ARHGAP23: variants seen among roughly 807,000 people sequenced by gnomAD.
ARHGAP23 encodes the protein Rho GTPase activating protein 23.
Under a neutral mutation model 136.3 loss-of-function variants are expected in ARHGAP23, and 34 were observed. The observed-to-expected ratio is 0.25, with a 90% CI of 0.19 to 0.33. The LOEUF (loss-of-function observed/expected upper bound fraction) is 0.33. Among genes scored for constraint, ARHGAP23 ranks in the 10% least tolerant of loss-of-function variants. The probability of loss-of-function intolerance (pLI) is 1.00; values close to 1 mark genes in which losing one functional copy is unlikely to be tolerated. For missense variants in ARHGAP23, 1,808 were observed against 2,139.0 expected, an observed-to-expected ratio of 0.85 and a Z score of 3.05; for synonymous variants, 832 against 920.5, an observed-to-expected ratio of 0.90 and a Z score of 1.74.
rs1231752496 is a variant in ARHGAP23, at chr17:38,511,809, G to C, written c.*837G>C. The C allele has an allele frequency of 6.6e-6, 1 of 151,896 alleles. No individual in the cohort carries two copies. The highest frequency in any genetic ancestry group is 1.5e-5 in the Non-Finnish European group (1 of 68,024). 9.4% of individuals were successfully genotyped at this position (151,896 alleles called of 1,614,324 possible). On this transcript the variant is annotated 3_prime_UTR_variant, in exon 24 of 24. Coordinates refer to ENST00000622683, the MANE Select transcript of ARHGAP23 (RefSeq NM_001199417.2). The stretch of plus-strand genomic sequence containing the variant: ...CCCCTCTTTTTGTTTTTCCATCTGT[G>C]CCTGTTCCTTCCACAGCCCAGGCAC...
At chr17:38,460,998 T>C in intron 3 of ARHGAP23, 66 bp downstream of exon 3, 1 of 1,523,818 alleles carries the variant, frequency 6.6e-7, no homozygotes, top group Non-Finnish European at 8.8e-7. Context: ...TCTCTCCCTG[T>C]CCTCCCCTAA....
At position 38,469,519 on chromosome 17, in the gene ARHGAP23, T is replaced by C. The variant is rs753628267; in HGVS notation, c.1805-5T>C. On this transcript the variant is annotated splice_region_variant and splice_polypyrimidine_tract_variant and intron_variant, in intron 8 of 23. Transcript: ENST00000622683. ...CCCTGAGGCCCGATGTGGGCGGCTT[T>C]GCAGGCAGCATCAAGGCTGGCCGCC... The C allele has an allele frequency of 3.2e-6, 5 of 1,547,610 alleles. No homozygotes were observed. In the African/African-American group the frequency reaches 4.1e-5, roughly 13 times the overall value.
chr17:38,469,713 TG>T lies in ARHGAP23; in HGVS notation c.1916+83del, dbSNP rs558409912. 3.6e-4 allele frequency: 550 copies of T among 1,511,898 alleles called. 2 individuals are homozygous for T. In the East Asian group the frequency reaches 0.013, roughly 36 times the overall value. 93.7% of individuals were successfully genotyped at this position (1,511,898 alleles called of 1,614,324 possible). ...TGCTCTGGGGCAGGGCTCTTGGCCC[TG>T]GGGGTCCTCTATGCATGGGACAGTG... On this transcript the variant is annotated intron_variant, in intron 9 of 23. Transcript: ENST00000622683.
Position 38,474,121 on chromosome 17 carries a change from A to G in ARHGAP23, c.2118+2115A>G, listed in dbSNP as rs1293648399. Reference sequence around the variant, plus strand: ...GTTTTAGTAGAGACTGGGTTTCACTATGTTGGCCAGGCTGGTCTTGAACTC... The same window carrying G: ...GTTTTAGTAGAGACTGGGTTTCACTGTGTTGGCCAGGCTGGTCTTGAACTC... On this transcript the variant is annotated intron_variant, in intron 11 of 23. Coordinates refer to ENST00000622683, the MANE Select transcript of ARHGAP23 (RefSeq NM_001199417.2). Among the ~76,000 whole-genome samples the G allele has an allele frequency of 2.0e-5, 3 of 152,024 alleles. No individual in the cohort carries two copies. The East Asian group carries it at 5.8e-4, about 29-fold the overall frequency.
At chr17:38,471,487 C>A (rs2039756521) in intron 10 of ARHGAP23, among the ~76,000 whole-genome samples, 1 of 152,250 alleles carries the variant, frequency 6.6e-6, no homozygotes, top group Non-Finnish European at 1.5e-5. Context: ...GCTCCACTCA[C>A]TCAGCCTTTG....
rs778000637 is a variant in ARHGAP23, at chr17:38,469,289, G to T, written c.1794G>T (p.Ser598=). 1.3e-6 allele frequency: 2 copies of T among 1,550,568 alleles called. No individual in the cohort carries two copies. The highest frequency in any genetic ancestry group is 2.4e-5 in the East Asian group (1 of 40,886). ...TFTFTLGRHY[S]QDCSSIKAGR... ...CTTTCACCCTCGGACGCCATTACTC[G>T]CAGGACTGCAGTGAGCACTCCCCAC... The change falls in exon 8 of 24, where the codon TCG becomes TCT. Residue 598 remains serine, a synonymous_variant. Coordinates refer to ENST00000622683, the MANE Select transcript of ARHGAP23 (RefSeq NM_001199417.2).
At chr17:38,425,830 C>T (rs1278470803), upstream of ARHGAP23, among the ~76,000 whole-genome samples, 3 of 149,932 alleles carry the variant, frequency 2.0e-5, no homozygotes, top group African/African-American at 7.4e-5. Context: ...TGGGCTGGGA[C>T]AGGGTGGGGG....
At chr17:38,456,826 C>T (rs778747581) in intron 1 of ARHGAP23, among the ~76,000 whole-genome samples, 4 of 152,224 alleles carry the variant, frequency 2.6e-5, no homozygotes, top group Admixed American at 6.5e-5. Context: ...AAACTCTTGT[C>T]TTCAGATACC....
chr17:38,490,723 T>TC (rs2040259143), intron 19 of ARHGAP23, among the ~76,000 whole-genome samples, 172 bp downstream of exon 19: 1 of 152,084 alleles, frequency 6.6e-6, no homozygotes, highest in East Asian at 1.9e-4. Context: ...GTCAGTGCTT[T>TC]CCCCCAGAGA....
chr17:38,509,857 C>T, intron 23 of ARHGAP23, 87 bp from the exon 24 acceptor site: 1 of 1,065,884 alleles, frequency 9.4e-7, no homozygotes, highest in Non-Finnish European at 1.2e-6. Flanking sequence ...GACTGGGTGC[C>T]GTGACGTGGG....
At chr17:38,508,294 G>A (rs1240602617) in intron 23 of ARHGAP23, among the ~76,000 whole-genome samples, 2 of 152,204 alleles carry the variant, frequency 1.3e-5, no homozygotes, top group South Asian at 2.1e-4. Context: ...AGCTCATCCA[G>A]CAAATAGGGC....
chr17:38,499,366 G>A lies in ARHGAP23; in HGVS notation c.3415+856G>A, dbSNP rs115718014. Among the ~76,000 whole-genome samples, 710 of 152,332 alleles carry A rather than the reference G, an allele frequency of 4.7e-3. 5 individuals carry two copies. Among genetic ancestry groups the A allele is most frequent in the African/African-American group, 0.016 (680 of 41,576 alleles). ...CCTGCCTCAGTCACCCCAATGGGCCGCCTCTTCCTGCTTAAGAAACCGGGG... is the reference window on the plus strand; with the variant it reads ...CCTGCCTCAGTCACCCCAATGGGCCACCTCTTCCTGCTTAAGAAACCGGGG... On this transcript the variant is annotated intron_variant, in intron 22 of 23. Coordinates refer to ENST00000622683, the MANE Select transcript of ARHGAP23 (RefSeq NM_001199417.2).
intron 17 of ARHGAP23, among the ~76,000 whole-genome samples, chr17:38,488,757 C>G (rs532018318): frequency 2.0e-5 from 3 of 152,186 alleles, no homozygotes; most frequent in Admixed American, 6.5e-5. Flanking sequence ...CCACGTTGGC[C>G]AGGCTGGTCT....
At chr17:38,427,137 T>G (rs112319480), upstream of ARHGAP23, among the ~76,000 whole-genome samples, 33 of 152,100 alleles carry the variant, frequency 2.2e-4, no homozygotes, top group Non-Finnish European at 4.0e-4. Flanking sequence ...GGGAGTTAGA[T>G]AGTAGAAAGA....
At chr17:38,427,987 T>A (rs1453566051), upstream of ARHGAP23, among the ~76,000 whole-genome samples, 1 of 152,178 alleles carries the variant, frequency 6.6e-6, no homozygotes, top group Non-Finnish European at 1.5e-5. Flanking sequence ...TCTCTGCCTC[T>A]CTCTGCGCTG....
intron 1 of ARHGAP23, chr17:38,451,114 T>C (rs2039153544): frequency 6.6e-6 from 1 of 152,164 alleles, no homozygotes; most frequent in African/African-American, 2.4e-5. Context: ...CCACCCCACA[T>C]TCCTTTCCCA....
At chr17:38,495,760 T>A (rs966064900) in intron 20 of ARHGAP23, among the ~76,000 whole-genome samples, 6 of 152,178 alleles carry the variant, frequency 3.9e-5, no homozygotes, top group Non-Finnish European at 8.8e-5. Flanking sequence ...ACCTTCCACT[T>A]ATTGTAAATG....
Position 38,428,496 on chromosome 17 carries a change from T to G in ARHGAP23, c.11T>G (p.Val4Gly), listed in dbSNP as rs1156474555. The G allele has an allele frequency of 3.5e-6, 5 of 1,449,240 alleles. No individual in the cohort carries two copies. In the South Asian group the frequency reaches 6.7e-5, roughly 19 times the overall value. The allele number at this position is 1,449,240 out of a possible 1,614,324, so 89.8% of individuals were successfully genotyped here. A position where few individuals can be genotyped will look rare whatever the true frequency, so the allele number is the denominator to read the frequency against. MNG[V>G]AFCLVGIPPR... ...CGCCGCTGCCACCCGATGAATGGAG[T>G]CGCCTTCTGCCTGGTCGGGATCCCG... The change falls in exon 1 of 24, where the codon GTC (valine) becomes GGC (glycine). Residue 4 changes from valine (V) to glycine (G), a missense_variant. Coordinates refer to ENST00000622683, the MANE Select transcript of ARHGAP23 (RefSeq NM_001199417.2).
Position 38,511,742 on chromosome 17 carries a change from G to A in ARHGAP23, c.*770G>A, listed in dbSNP as rs1015749104. 6.6e-6 allele frequency: 1 copy of A among 151,602 alleles called. No homozygotes were observed. Among genetic ancestry groups the A allele is most frequent in the South Asian group, 2.1e-4 (1 of 4,806 alleles). The allele number at this position is 151,602 out of a possible 1,614,324, so 9.4% of individuals were successfully genotyped here. A position where few individuals can be genotyped will look rare whatever the true frequency, so the allele number is the denominator to read the frequency against. ...GCTGCCTGTTCCCCAGACAGTTTTT[G>A]GTGGGGGGGGTCCAGGGTCCCCCTT... On this transcript the variant is annotated 3_prime_UTR_variant, in exon 24 of 24. Coordinates refer to ENST00000622683, the MANE Select transcript of ARHGAP23 (RefSeq NM_001199417.2).
Sources: gnomAD v4.1 joint callset for allele counts (sites outside exome capture counted in the v4.1 genomes callset) on GRCh38, gnomAD v4.1.1 for gene constraint, MANE v1.5 for transcripts, NCBI Gene and HGNC (gene_info 2026-07-23, HGNC 2026-07-21) for gene names.